Variants in DAB1 observed in about 807,000 individuals in gnomAD.
DAB1 encodes the protein disabled homolog 1.
A neutral mutation model predicts 64.6 loss-of-function variants in DAB1; 15 were observed. The ratio of observed to expected loss-of-function variants is 0.23; its 90% CI spans 0.16 to 0.36. The LOEUF (loss-of-function observed/expected upper bound fraction) is 0.36, where lower values mean the gene tolerates loss of function less well. Among genes scored for constraint, DAB1 ranks in the 10% least tolerant of loss-of-function variants. DAB1 has a pLI of 1.00. For synonymous variants in DAB1, 235 were observed against 251.9 expected (o/e 0.93, Z 0.64); for missense variants, 596 against 706.7 (o/e 0.84, Z 1.78).
intron 5 of DAB1, among the ~76,000 whole-genome samples, chr1:58,083,680 A>C (rs1362888124): frequency 6.6e-6 from 1 of 152,244 alleles, no homozygotes; most frequent in Non-Finnish European, 1.5e-5. Context: ...TTGGTGAATA[A>C]AATAGACAAA....
intron 2 of DAB1, among the ~76,000 whole-genome samples, chr1:57,242,016 A>G (rs571587429): frequency 8.3e-4 from 126 of 152,304 alleles, no homozygotes; most frequent in Non-Finnish European, 1.5e-3. Flanking sequence ...GACTTAGAAC[A>G]TCTCATAGAA....
chr1:58,266,541 A>G (rs553820745), intron 4 of DAB1, among the ~76,000 whole-genome samples: 1 of 152,296 alleles, frequency 6.6e-6, no homozygotes, highest in South Asian at 2.1e-4. Flanking sequence ...CTCATTCATA[A>G]AGTAAAGATA....
intron 9 of DAB1, among the ~76,000 whole-genome samples, chr1:57,057,833 C>A (rs971058162): frequency 6.6e-5 from 10 of 152,120 alleles, no homozygotes; most frequent in South Asian, 4.2e-4. Context: ...TGGTCTCGAT[C>A]TCCTGACCTC....
At chr1:58,317,558 T>C (rs1189134538) in intron 4 of DAB1, among the ~76,000 whole-genome samples, 1 of 152,198 alleles carries the variant, frequency 6.6e-6, no homozygotes, top group Non-Finnish European at 1.5e-5. Flanking sequence ...TCTAAGAACA[T>C]TGGTGCCCCC....
chr1:57,726,048 C>A (rs1315272457), intron 6 of DAB1, among the ~76,000 whole-genome samples: 1 of 152,218 alleles, frequency 6.6e-6, no homozygotes, highest in Non-Finnish European at 1.5e-5. Flanking sequence ...GCCACCGTGC[C>A]CGGCCTATCT....
At chr1:57,708,348 G>A (rs548113781) in intron 6 of DAB1, among the ~76,000 whole-genome samples, 29 of 152,220 alleles carry the variant, frequency 1.9e-4, no homozygotes, top group Admixed American at 3.9e-4. Flanking sequence ...GTAAGACGTC[G>A]TTCTCTGTAC....
chr1:57,417,005 T>C (rs1171640794), intron 1 of DAB1, among the ~76,000 whole-genome samples: 3 of 152,174 alleles, frequency 2.0e-5, no homozygotes, highest in Non-Finnish European at 4.4e-5. Context: ...TTATTATATA[T>C]ACAGTAATGA....
intron 1 of DAB1, among the ~76,000 whole-genome samples, chr1:57,345,390 A>G (rs1677995918): frequency 6.6e-6 from 1 of 152,194 alleles, no homozygotes; most frequent in Non-Finnish European, 1.5e-5. Flanking sequence ...TGCCTTAGAG[A>G]AAACAGACAT....
intron 5 of DAB1, among the ~76,000 whole-genome samples, chr1:57,975,995 T>A (rs1187981): frequency 6.6e-6 from 1 of 152,010 alleles, no homozygotes; most frequent in Non-Finnish European, 1.5e-5. Flanking sequence ...TTTGCTCCAG[T>A]TGGGTCACTG....
At chr1:57,036,438 C>A (rs890936290) in intron 9 of DAB1, among the ~76,000 whole-genome samples, 2 of 152,168 alleles carry the variant, frequency 1.3e-5, no homozygotes, top group African/African-American at 2.4e-5. Flanking sequence ...TTGGGGCAAC[C>A]TTTGGAGACA....
At chr1:57,925,289 C>T (rs1644863558) in intron 5 of DAB1, among the ~76,000 whole-genome samples, 1 of 152,176 alleles carries the variant, frequency 6.6e-6, no homozygotes, top group African/African-American at 2.4e-5. Context: ...GAGAAAAAGC[C>T]TTGGCCTTCT....
chr1:57,524,702 A>G (rs750388624), intron 7 of DAB1, among the ~76,000 whole-genome samples: 1 of 152,208 alleles, frequency 6.6e-6, no homozygotes, highest in East Asian at 1.9e-4. Flanking sequence ...TTGATCAGTT[A>G]GGGTGGGGCA....
intron 3 of DAB1, among the ~76,000 whole-genome samples, chr1:58,348,943 C>T (rs1333149009): frequency 1.3e-5 from 2 of 152,184 alleles, no homozygotes; most frequent in Admixed American, 6.5e-5. Flanking sequence ...TTGGGGCTGA[C>T]TGTAGTCCAT....
chr1:57,207,877 G>A (rs951491530), intron 2 of DAB1, among the ~76,000 whole-genome samples: 10 of 152,158 alleles, frequency 6.6e-5, no homozygotes, highest in African/African-American at 2.4e-4. Flanking sequence ...TAAAGGCTCA[G>A]TTCAAAACAA....
intron 1 of DAB1, among the ~76,000 whole-genome samples, chr1:58,542,238 A>T (rs1241724309): frequency 1.3e-5 from 2 of 152,240 alleles, no homozygotes; most frequent in Non-Finnish European, 2.9e-5. Flanking sequence ...ATTATTAACA[A>T]GATACTTTGT....
rs556436889 is a variant in DAB1, at chr1:58,141,639, C to G, written n.387+8872G>C. Among the ~76,000 whole-genome samples, 9 of 152,300 alleles carry G rather than the reference C, an allele frequency of 5.9e-5. No individual in the cohort carries two copies. The South Asian group carries it at 1.5e-3, about 25-fold the overall frequency. On this transcript the variant is annotated intron_variant and non_coding_transcript_variant, in intron 5 of 20. Coordinates refer to the DAB1 transcript ENST00000485760. ...CACTCATGATCCAATCACCTCCAACCAGGCCCCACCTCCAACATTGGGGAT... is the reference window on the plus strand; with the variant it reads ...CACTCATGATCCAATCACCTCCAACGAGGCCCCACCTCCAACATTGGGGAT...
rs1269821678 is a variant in DAB1, at chr1:58,544,782, CGG to C, written n.32+1919_32+1920del. 2.6e-5 allele frequency among the ~76,000 whole-genome samples: 4 copies of C among 152,238 alleles called. No individual in the cohort carries two copies. In the East Asian group the frequency reaches 7.7e-4, roughly 29 times the overall value. On this transcript the variant is annotated intron_variant and non_coding_transcript_variant, in intron 1 of 20. Coordinates refer to the DAB1 transcript ENST00000485760. ...CTAATTTTTGTATTTTTAGTAGAGA[CGG>C]GGTTTCGGCAAATTGCCCAGGCTAG...
Position 57,280,243 on chromosome 1 carries a change from G to C in DAB1, c.67+10721C>G, listed in dbSNP as rs184085948. Among the ~76,000 whole-genome samples the C allele has an allele frequency of 3.9e-4, 59 of 152,232 alleles. 1 individual carries two copies. Among genetic ancestry groups the C allele is most frequent in the Non-Finnish European group, 1.9e-4 (13 of 68,010 alleles). On this transcript the variant is annotated intron_variant, in intron 2 of 14. Transcript: ENST00000371236. ...CAAGGACACATGAACAATAGATATTGGTTCCTCCTTCACCTCTGCTCTTGC... is the reference window on the plus strand; with the variant it reads ...CAAGGACACATGAACAATAGATATTCGTTCCTCCTTCACCTCTGCTCTTGC...
rs368278441 is a variant in DAB1 at position 58,016,006 on chromosome 1, A to AG, written n.388-131845dup. On this transcript the variant is annotated intron_variant and non_coding_transcript_variant, in intron 5 of 20. Coordinates refer to the DAB1 transcript ENST00000485760. ...AGTGATGAAGGGACACAAACAGCCT[A>AG]GGGGGGGGTAGTTGAGATACTGAAG... Among the ~76,000 whole-genome samples the AG allele has an allele frequency of 2.5e-3, 362 of 146,036 alleles. 3 individuals are homozygous for AG. The highest frequency in any genetic ancestry group is 6.6e-3 in the African/African-American group (255 of 38,842).
Sources: allele counts gnomAD v4.1 joint callset (sites outside exome capture counted in the v4.1 genomes callset), GRCh38; gene constraint gnomAD v4.1.1; transcripts MANE v1.5; gene names NCBI Gene and HGNC (gene_info 2026-07-23, HGNC 2026-07-21).